Variants in INTS3 observed in about 807,000 individuals in gnomAD.
INTS3 encodes SOSS complex subunit A.
In INTS3, 34 loss-of-function variants were observed where a neutral mutation model predicts 146.3. The observed-to-expected ratio is 0.23, with a 90% CI of 0.18 to 0.31. The LOEUF (loss-of-function observed/expected upper bound fraction) is 0.31. INTS3 is among the 10% of genes least tolerant of loss of function. The pLI is 1.00. For missense variants in INTS3, 757 were observed against 1,304.2 expected, an observed-to-expected ratio of 0.58 and a Z score of 6.46; for synonymous variants, 475 against 494.9, an observed-to-expected ratio of 0.96 and a Z score of 0.53.
At chr1:153,746,083 A>G (rs1671724265) in intron 3 of INTS3, among the ~76,000 whole-genome samples, 2 of 152,206 alleles carry the variant, frequency 1.3e-5, no homozygotes, top group Non-Finnish European at 1.5e-5. Context: ...TAAAAAAACT[A>G]AAAATTCAAA....
Position 153,772,175 on chromosome 1 carries a change from C to T in INTS3, c.2721-165C>T, listed in dbSNP as rs1672914646. On this transcript the variant is annotated intron_variant, in intron 26 of 29. Transcript: ENST00000318967. This position sits in a 1 kb window ranked among gnomAD's most constrained non-coding sequence, Gnocchi z 4.6. The stretch of plus-strand genomic sequence containing the variant: ...CCAGTGCCCCTGTGGCCAGGATCCC[C>T]TGTTCTAGGCACACCTTTCTCACCC... Among the ~76,000 whole-genome samples, 2 of 152,178 alleles carry T rather than the reference C, an allele frequency of 1.3e-5. No individual in the cohort carries two copies. The highest frequency in any genetic ancestry group is 2.4e-5 in the African/African-American group (1 of 41,440).
Position 153,762,770 on chromosome 1 carries a change from TGTCG to T in INTS3, c.1561_1564del (p.Ser521IlefsTer57). On this transcript the variant is annotated frameshift_variant, in exon 15 of 30. Transcript: ENST00000318967. LOFTEE classifies it high-confidence loss of function. ...GTTTCCATGGAGATGGACAACCATA[TGTCG>T]GATAAGGATGAGAGTTGCTATGACA... 1 of 1,614,132 alleles carries T rather than the reference TGTCG, an allele frequency of 6.2e-7. No homozygotes were observed. Among genetic ancestry groups the T allele is most frequent in the Non-Finnish European group, 8.5e-7 (1 of 1,180,018 alleles).
At chr1:153,762,401 G>A (rs971554407) in intron 14 of INTS3, among the ~76,000 whole-genome samples, 7 of 152,206 alleles carry the variant, frequency 4.6e-5, no homozygotes, top group African/African-American at 7.2e-5. Context: ...CCGAGATGGC[G>A]CCACTGCACT....
chr1:153,765,300 C>A (rs564088203), intron 20 of INTS3, among the ~76,000 whole-genome samples: 1 of 152,112 alleles, frequency 6.6e-6, no homozygotes, highest in Non-Finnish European at 1.5e-5. Flanking sequence ...ATCCTCCCCC[C>A]TCAGCATCCT....
intron 6 of INTS3, among the ~76,000 whole-genome samples, chr1:153,749,270 C>T (rs1210007725): frequency 1.3e-5 from 2 of 152,022 alleles, no homozygotes; most frequent in Non-Finnish European, 2.9e-5. Context: ...TCAGGGGGTA[C>T]ATATTGGGCT....
intron 22 of INTS3, 72 bp from the exon 23 acceptor site, chr1:153,769,697 G>T (rs1274118373): frequency 3.1e-6 from 3 of 967,416 alleles, no homozygotes; most frequent in Admixed American, 1.8e-5. Context: ...GCCCTCCTGC[G>T]TCCCCCTCCA....
In INTS3 at chr1:153,752,194, G is replaced by A. The variant is rs1671983221; in HGVS notation, c.730-85G>A. On this transcript the variant is annotated intron_variant, in intron 7 of 29. Coordinates refer to ENST00000318967, the MANE Select transcript of INTS3 (RefSeq NM_023015.5). ...CTCTTTCCTTCCCTCCCTAGAACAT[G>A]TTGTTCCTTTGTCCTCCCTCCAGCA... 16 of 1,328,714 alleles carry A rather than the reference G, an allele frequency of 1.2e-5. No homozygotes were observed. The South Asian group carries it at 1.8e-4, about 15-fold the overall frequency. 82.3% of individuals were successfully genotyped at this position (1,328,714 alleles called of 1,614,324 possible). A position where few individuals can be genotyped will look rare whatever the true frequency, so the allele number is the denominator to read the frequency against.
At chr1:153,770,385 T>C (rs532001282) in intron 24 of INTS3, 74 bp downstream of exon 24, 1 of 951,332 alleles carries the variant, frequency 1.1e-6, no homozygotes, top group South Asian at 1.3e-5. Context: ...CTGAGGCCTC[T>C]AGGCTTCTAG....
At chr1:153,773,104 G>A in intron 29 of INTS3, 23 bp downstream of exon 29, 2 of 1,614,078 alleles carry the variant, frequency 1.2e-6, no homozygotes, top group Non-Finnish European at 1.7e-6. Flanking sequence ...CCAGTGCACA[G>A]GGGGAAAAGG....
At chr1:153,746,742 C>G in intron 3 of INTS3, 1 of 525,800 alleles carries the variant, frequency 1.9e-6, no homozygotes, top group Non-Finnish European at 3.4e-6. Context: ...TAACCAGTAC[C>G]TTTTCCCCAC....
intron 5 of INTS3, chr1:153,748,411 A>G: frequency 2.2e-6 from 1 of 462,726 alleles, no homozygotes; most frequent in Non-Finnish European, 4.0e-6. Flanking sequence ...TCAGACGTTC[A>G]TTTTCAAGGG....
chr1:153,774,314 G>A lies in INTS3; in HGVS notation c.*1044G>A, dbSNP rs946346945. On this transcript the variant is annotated 3_prime_UTR_variant, in exon 30 of 30. Coordinates refer to ENST00000318967, the MANE Select transcript of INTS3 (RefSeq NM_023015.5). ...TGCAGAACCATCCCCCGTAGGATGA[G>A]GCCTGTCCTTACTCATTTCTCAAGA... 1 of 152,222 alleles carries A rather than the reference G, an allele frequency of 6.6e-6. No individual in the cohort carries two copies. Among genetic ancestry groups the A allele is most frequent in the Non-Finnish European group, 1.5e-5 (1 of 68,078 alleles). 9.4% of individuals were successfully genotyped at this position (152,222 alleles called of 1,614,324 possible). A position where few individuals can be genotyped will look rare whatever the true frequency, so the allele number is the denominator to read the frequency against.
chr1:153,773,392 G>C lies in INTS3; in HGVS notation c.*122G>C, dbSNP rs772538833. The C allele has an allele frequency of 2.7e-4, 246 of 907,428 alleles. No homozygotes were observed. Among genetic ancestry groups the C allele is most frequent in the Non-Finnish European group, 4.0e-4 (225 of 562,418 alleles). 56.2% of individuals were successfully genotyped at this position (907,428 alleles called of 1,614,324 possible). Reference sequence around the variant, plus strand: ...CCTTGCTGCATCCCCAAGCTCCCCCGGTGGAAGGAGGAGCTTTCTCCTCTG... The same window carrying C: ...CCTTGCTGCATCCCCAAGCTCCCCCCGTGGAAGGAGGAGCTTTCTCCTCTG... On this transcript the variant is annotated 3_prime_UTR_variant, in exon 30 of 30. Coordinates refer to ENST00000318967, the MANE Select transcript of INTS3 (RefSeq NM_023015.5).
At chr1:153,753,217 C>G (rs756745472) in intron 8 of INTS3, among the ~76,000 whole-genome samples, 1 of 152,130 alleles carries the variant, frequency 6.6e-6, no homozygotes, top group East Asian at 1.9e-4. Flanking sequence ...ATTTAATCTT[C>G]TGGACAGCCC....
chr1:153,737,862 T>C (rs1490305288), intron 1 of INTS3, among the ~76,000 whole-genome samples: 2 of 152,160 alleles, frequency 1.3e-5, no homozygotes, highest in East Asian at 1.9e-4. Context: ...TCATTGTTTT[T>C]AAAGTTTGTT....
At chr1:153,737,227 C>G (rs954736693) in intron 1 of INTS3, among the ~76,000 whole-genome samples, 2 of 152,196 alleles carry the variant, frequency 1.3e-5, no homozygotes, top group Non-Finnish European at 2.9e-5. Context: ...ATCATTATCA[C>G]TGGAAATTGG....
At chr1:153,770,008 T>G (rs1401493151) in intron 23 of INTS3, among the ~76,000 whole-genome samples, 164 bp downstream of exon 23, 1 of 144,098 alleles carries the variant, frequency 6.9e-6, no homozygotes, top group Admixed American at 6.9e-5. Flanking sequence ...TCTGGATCTG[T>G]CCTACCTCTG....
At chr1:153,748,944 G>A (rs529730187) in intron 6 of INTS3, among the ~76,000 whole-genome samples, 189 bp downstream of exon 6, 15 of 152,284 alleles carry the variant, frequency 9.9e-5, no homozygotes, top group African/African-American at 3.1e-4. Flanking sequence ...ATGAAGGAAT[G>A]GGAAAGAGGT....
rs1421156285 is a variant in INTS3 at position 153,764,968 on chromosome 1, C to T, written c.1995C>T (p.Asp665=). 1 of 1,614,046 alleles carries T rather than the reference C, an allele frequency of 6.2e-7. No homozygotes were observed. Among genetic ancestry groups the T allele is most frequent in the African/African-American group, 1.3e-5 (1 of 74,906 alleles). The change falls in exon 20 of 30, where the codon GAC becomes GAT. Residue 665 remains aspartate, a synonymous_variant. Transcript: ENST00000318967. ...GGAACCTATGTCAGATGCAGGAAGA[C>T]AACAGCAGCTTCTCTCTACTTCTAG... The part of the protein sequence containing the change: ...IFRNLCQMQE[D]NSSFSLLLDL...
Sources: gnomAD v4.1 joint callset for allele counts (sites outside exome capture counted in the v4.1 genomes callset) on GRCh38, gnomAD v4.1.1 for gene constraint, Gnocchi (gnomAD v3.1) non-coding constraint, MANE v1.5 for transcripts, NCBI Gene and HGNC (gene_info 2026-07-23, HGNC 2026-07-21) for gene names.